PCDH9: variants seen among roughly 807,000 people sequenced by gnomAD.
PCDH9 encodes the protein protocadherin-9.
PCDH9 carries 24 observed loss-of-function variants against 70.6 expected under a neutral mutation model. The observed-to-expected ratio is 0.34, with a 90% CI of 0.25 to 0.48. The LOEUF is 0.48. Among genes scored for constraint, PCDH9 ranks in the 20% least tolerant of loss-of-function variants. PCDH9 has a pLI of 0.99. For missense variants in PCDH9, 1,281 were observed against 1,503.6 expected (o/e 0.85, Z 2.45); for synonymous variants, 562 against 558.5 (o/e 1.01, Z -0.09).
chr13:66,660,283 T>C (rs1274987590), intron 3 of PCDH9, among the ~76,000 whole-genome samples: 1 of 152,204 alleles, frequency 6.6e-6, no homozygotes, highest in Non-Finnish European at 1.5e-5. Context: ...CAGTATATGG[T>C]GAGATCTTTA....
intron 2 of PCDH9, among the ~76,000 whole-genome samples, chr13:67,027,441 G>A (rs910251102): frequency 6.6e-5 from 10 of 152,254 alleles, no homozygotes; most frequent in Admixed American, 1.3e-4. Context: ...AGACTTGAAC[G>A]TTAGACCTAA....
intron 3 of PCDH9, among the ~76,000 whole-genome samples, chr13:66,652,573 T>A (rs1360470640): frequency 6.6e-6 from 1 of 151,748 alleles, no homozygotes; most frequent in African/African-American, 2.4e-5. Context: ...TATACAAAGT[T>A]GGTTCAATCT....
intron 4 of PCDH9, among the ~76,000 whole-genome samples, chr13:66,331,714 C>G (rs148163236): frequency 6.6e-6 from 1 of 152,244 alleles, no homozygotes; most frequent in East Asian, 1.9e-4. Flanking sequence ...AGGAACAAGA[C>G]AGAGTATCCC....
At chr13:66,668,652 C>A (rs374717131) in intron 3 of PCDH9, among the ~76,000 whole-genome samples, 3 of 152,138 alleles carry the variant, frequency 2.0e-5, no homozygotes, top group Non-Finnish European at 4.4e-5. Flanking sequence ...GCAGTGGTGA[C>A]CGAGAGAGCC....
intron 3 of PCDH9, among the ~76,000 whole-genome samples, chr13:66,765,676 A>T (rs1328090816): frequency 6.6e-6 from 1 of 152,138 alleles, no homozygotes; most frequent in Non-Finnish European, 1.5e-5. Context: ...AGGATAGTAG[A>T]TTGGGAATAA....
At chr13:66,750,194 T>C (rs2079435691) in intron 3 of PCDH9, among the ~76,000 whole-genome samples, 1 of 152,178 alleles carries the variant, frequency 6.6e-6, no homozygotes, top group Admixed American at 6.5e-5. Flanking sequence ...AGGGCATTAT[T>C]ACTATTAAAG....
chr13:66,867,791 C>T (rs2081602205), intron 3 of PCDH9, among the ~76,000 whole-genome samples: 1 of 151,824 alleles, frequency 6.6e-6, no homozygotes, highest in African/African-American at 2.4e-5. Flanking sequence ...TAGAATCTGA[C>T]CCTACAAGTG....
At chr13:67,051,841 T>C (rs1030793148) in intron 2 of PCDH9, among the ~76,000 whole-genome samples, 8 of 152,188 alleles carry the variant, frequency 5.3e-5, no homozygotes, top group Admixed American at 2.6e-4. Context: ...TTGGAAGATG[T>C]AATGAATAGA....
At chr13:66,973,287 T>C (rs2083556915) in intron 2 of PCDH9, among the ~76,000 whole-genome samples, 1 of 152,024 alleles carries the variant, frequency 6.6e-6, no homozygotes, top group Non-Finnish European at 1.5e-5. Context: ...AATAATGCTT[T>C]AGTCCTTCAG....
rs561855515 is a variant in PCDH9, at chr13:67,026,903, T to G, written c.3037-123298A>C. On this transcript the variant is annotated intron_variant, in intron 2 of 4. Coordinates refer to ENST00000377865, the MANE Select transcript of PCDH9 (RefSeq NM_203487.3). ...AGGAGAACTACCAACCACTGATCAA[T>G]GAAATAAAAGAGGAAACAAAGAAAT... Among the ~76,000 whole-genome samples, 20 of 151,928 alleles carry G rather than the reference T, an allele frequency of 1.3e-4. 1 individual carries two copies. The South Asian group carries it at 3.9e-3, about 30-fold the overall frequency.
chr13:66,429,702 AAAG>A lies in PCDH9; in HGVS notation c.3341-124677_3341-124675del, dbSNP rs199711117. Among the ~76,000 whole-genome samples the A allele has an allele frequency of 2.8e-4, 42 of 151,656 alleles. No individual in the cohort carries two copies. In the East Asian group the frequency reaches 7.2e-3, roughly 26 times the overall value. On this transcript the variant is annotated intron_variant, in intron 4 of 4. Transcript: ENST00000377865. The stretch of plus-strand genomic sequence containing the variant: ...AGACACAGAACAATGCCCTGCAGCT[AAAG>A]AAGAAGAAGAAGAAAAAAATAACTT...
At chr13:66,373,342 G>A (rs1441682196) in intron 4 of PCDH9, among the ~76,000 whole-genome samples, 3 of 151,924 alleles carry the variant, frequency 2.0e-5, no homozygotes, top group Non-Finnish European at 4.4e-5. Flanking sequence ...GGGTTGGGGG[G>A]TGAATAAATG....
intron 2 of PCDH9, among the ~76,000 whole-genome samples, chr13:66,955,772 G>A (rs1220897015): frequency 6.6e-6 from 1 of 152,094 alleles, no homozygotes; most frequent in African/African-American, 2.4e-5. Flanking sequence ...CGTTTGTTAT[G>A]GGAATGACAA....
chr13:66,355,660 A>C (rs191194743), intron 4 of PCDH9, among the ~76,000 whole-genome samples: 2 of 152,278 alleles, frequency 1.3e-5, no homozygotes, highest in East Asian at 3.9e-4. Flanking sequence ...TGAATTAACA[A>C]TATACATTAA....
intron 3 of PCDH9, among the ~76,000 whole-genome samples, chr13:66,878,549 A>G (rs1162544867): frequency 6.6e-6 from 1 of 152,136 alleles, no homozygotes; most frequent in East Asian, 1.9e-4. Flanking sequence ...TTTAAAAAGA[A>G]AAAATCTTGT....
Position 66,479,117 on chromosome 13 carries a change from GA to G in PCDH9, c.3340+152092del, listed in dbSNP as rs1958789067. 2.6e-5 allele frequency among the ~76,000 whole-genome samples: 4 copies of G among 152,176 alleles called. No homozygotes were observed. In the South Asian group the frequency reaches 8.3e-4, roughly 31 times the overall value. On this transcript the variant is annotated intron_variant, in intron 4 of 4. Coordinates refer to ENST00000377865, the MANE Select transcript of PCDH9 (RefSeq NM_203487.3). ...CTAAATCTACTCTGTCTGTGCTCTA[GA>G]AATGGAACAAGAAAGGCTGAATGAA...
At chr13:66,814,431 T>C (rs2080565038) in intron 3 of PCDH9, among the ~76,000 whole-genome samples, 1 of 152,136 alleles carries the variant, frequency 6.6e-6, no homozygotes, top group African/African-American at 2.4e-5. Flanking sequence ...CCTTAGATAT[T>C]AATGTAAAAG....
At chr13:67,107,960 T>C (rs1253376133) in intron 2 of PCDH9, among the ~76,000 whole-genome samples, 1 of 152,182 alleles carries the variant, frequency 6.6e-6, no homozygotes, top group Non-Finnish European at 1.5e-5. Flanking sequence ...TGCCCACATC[T>C]AGACTTCATG....
chr13:66,459,608 CTT>C (rs1305878129), intron 4 of PCDH9, among the ~76,000 whole-genome samples: 7 of 151,792 alleles, frequency 4.6e-5, no homozygotes, highest in Non-Finnish European at 7.4e-5. Context: ...AGGAGAAAAA[CTT>C]GTTCTAAGAA....
Sources: allele counts gnomAD v4.1 joint callset (sites outside exome capture counted in the v4.1 genomes callset), GRCh38; gene constraint gnomAD v4.1.1; transcripts MANE v1.5; gene names NCBI Gene and HGNC (gene_info 2026-07-23, HGNC 2026-07-21).